The following SLC36A1 variants were observed in gnomAD, a reference collection of about 807,000 sequenced individuals.
The protein encoded by SLC36A1 is solute carrier family 36 member 1.
Under a neutral mutation model 47.5 loss-of-function variants are expected in SLC36A1, and 30 were observed. The observed-to-expected ratio is 0.63, with a 90% CI of 0.47 to 0.86. SLC36A1 has a LOEUF of 0.86. SLC36A1 is among the 40% of genes least tolerant of loss of function. The probability of loss-of-function intolerance (pLI) is 0.00; values close to 1 mark genes in which losing one functional copy is unlikely to be tolerated. For missense variants in SLC36A1, 517 were observed against 606.0 expected, an observed-to-expected ratio of 0.85 and a Z score of 1.54; for synonymous variants, 255 against 249.7, an observed-to-expected ratio of 1.02 and a Z score of -0.20.
chr5:151,446,473 T>C (rs1752926028), upstream of SLC36A1, among the ~76,000 whole-genome samples: 1 of 152,038 alleles, frequency 6.6e-6, no homozygotes, highest in African/African-American at 2.4e-5. Flanking sequence ...GAGGTTGCAG[T>C]GAGCCAAGAT....
the SLC36A1 span, among the ~76,000 whole-genome samples, chr5:151,427,638 A>G: frequency 9.2e-5 from 14 of 152,118 alleles, no homozygotes; most frequent in Non-Finnish European, 1.5e-4. Flanking sequence ...GGAAACTAGG[A>G]TGGCCATACA....
the SLC36A1 span, chr5:151,381,129 C>T: frequency 6.1e-6 from 3 of 489,528 alleles, no homozygotes; most frequent in South Asian, 1.8e-5. Context: ...CTCTCTCTGG[C>T]AGGCAAGGAT....
At chr5:151,542,805 G>A in the SLC36A1 span, 1 of 1,614,224 alleles carries the variant, frequency 6.2e-7, no homozygotes, top group Non-Finnish European at 8.5e-7. Flanking sequence ...CCACATCAGT[G>A]TTCTGAAGGC....
chr5:151,413,079 G>A, the SLC36A1 span, among the ~76,000 whole-genome samples: 1 of 148,006 alleles, frequency 6.8e-6, no homozygotes, highest in African/African-American at 2.5e-5. Context: ...CTGAGGGCAG[G>A]AACTTTATCT....
At chr5:151,380,331 A>G in the SLC36A1 span, 1 of 289,836 alleles carries the variant, frequency 3.5e-6, no homozygotes, top group Non-Finnish European at 6.9e-6. Flanking sequence ...CCAAAAACAT[A>G]CAAATTAGCT....
the SLC36A1 span, among the ~76,000 whole-genome samples, chr5:151,351,739 C>G: frequency 6.6e-6 from 1 of 152,164 alleles, no homozygotes; most frequent in Admixed American, 6.5e-5. Context: ...ATCCTTCATC[C>G]TCACCACCTC....
chr5:151,445,914 C>CA (rs1376738970), upstream of SLC36A1, among the ~76,000 whole-genome samples: 2 of 151,108 alleles, frequency 1.3e-5, no homozygotes, highest in African/African-American at 2.4e-5. Context: ...TAATTTTTTC[C>CA]AAAAAATCAA....
chr5:151,507,287 G>T, the SLC36A1 span: 1 of 1,614,158 alleles, frequency 6.2e-7, no homozygotes. Flanking sequence ...CAAATGTGAC[G>T]AGTTCATTTG....
the SLC36A1 span, chr5:151,546,204 A>T: frequency 1.2e-6 from 2 of 1,614,198 alleles, no homozygotes. Flanking sequence ...TAGCCAGGTC[A>T]TGCCATTGTG....
At chr5:151,453,243 A>G (rs1753942814) in intron 1 of SLC36A1, among the ~76,000 whole-genome samples, 1 of 152,022 alleles carries the variant, frequency 6.6e-6, no homozygotes, top group African/African-American at 2.4e-5. Flanking sequence ...AATAAAATAA[A>G]ATAAAATGCT....
At chr5:151,551,559 T>C in the SLC36A1 span, 3 of 1,614,248 alleles carry the variant, frequency 1.9e-6, no homozygotes, top group Non-Finnish European at 2.5e-6. Flanking sequence ...GCAATGACGA[T>C]GCTGCCTGTG....
At chr5:151,496,403 C>T (rs1760343452), downstream of SLC36A1, among the ~76,000 whole-genome samples, 1 of 152,194 alleles carries the variant, frequency 6.6e-6, no homozygotes, top group South Asian at 2.1e-4. Flanking sequence ...CGAAAACAGA[C>T]TAGTACGTAT....
Position 151,476,727 on chromosome 5 carries a change from CA to C in SLC36A1, c.961del (p.Ser321AlafsTer2), listed in dbSNP as rs749843168. The C allele has an allele frequency of 2.3e-5, 37 of 1,611,848 alleles. No homozygotes were observed. In the Middle Eastern group the frequency reaches 6.6e-4, roughly 29 times the overall value. On this transcript the variant is annotated frameshift_variant, in exon 9 of 11. Transcript: ENST00000243389. LOFTEE classifies it high-confidence loss of function. ...TGCAATTTGGAGCTAATATCCAAGGCAGCATAACCCTCAACCTGCCCAACTG... is the reference window on the plus strand; with the variant it reads ...TGCAATTTGGAGCTAATATCCAAGGCGCATAACCCTCAACCTGCCCAACTG... ...YLQFGANIQG[S>X]ITLNLPNCWL...
the SLC36A1 span, chr5:151,543,127 C>G: frequency 1.8e-4 from 285 of 1,614,054 alleles, no homozygotes; most frequent in Non-Finnish European, 2.3e-4. Flanking sequence ...GTGAGGAGGG[C>G]CTCCATCTTG....
upstream of SLC36A1, among the ~76,000 whole-genome samples, chr5:151,433,540 C>G (rs577957907): frequency 6.6e-6 from 1 of 151,258 alleles, no homozygotes; most frequent in Non-Finnish European, 1.5e-5. Context: ...ATCCGCCCGC[C>G]TTGGCCTTCC....
chr5:151,365,405 C>T, the SLC36A1 span, among the ~76,000 whole-genome samples: 1 of 152,200 alleles, frequency 6.6e-6, no homozygotes, highest in African/African-American at 2.4e-5. Flanking sequence ...ATTTGACAGG[C>T]TCAGGGAAAG....
chr5:151,546,289 G>T, the SLC36A1 span: 1 of 1,613,940 alleles, frequency 6.2e-7, no homozygotes, highest in Non-Finnish European at 8.5e-7. Context: ...TTGAGCTAGA[G>T]TAATGATGCC....
At chr5:151,370,080 C>T in the SLC36A1 span, among the ~76,000 whole-genome samples, 1 of 152,298 alleles carries the variant, frequency 6.6e-6, no homozygotes, top group South Asian at 2.1e-4. Context: ...GGATTACAGG[C>T]GTGAGCCACT....
chr5:151,370,232 T>TC, the SLC36A1 span, among the ~76,000 whole-genome samples: 1 of 152,220 alleles, frequency 6.6e-6, no homozygotes, highest in African/African-American at 2.4e-5. Flanking sequence ...AGACAGCTTT[T>TC]CCCCAAGAGT....
Sources: gnomAD v4.1 joint callset for allele counts (sites outside exome capture counted in the v4.1 genomes callset) on GRCh38, gnomAD v4.1.1 for gene constraint, MANE v1.5 for transcripts, NCBI Gene and HGNC (gene_info 2026-07-23, HGNC 2026-07-21) for gene names.